The following GRID1 variants were observed in gnomAD, a reference collection of about 807,000 sequenced individuals.
GRID1 encodes glutamate receptor ionotropic, delta-1.
Under a neutral mutation model 98.0 loss-of-function variants are expected in GRID1, and 28 were observed. The observed-to-expected ratio is 0.29, with a 90% CI of 0.21 to 0.39. The LOEUF (loss-of-function observed/expected upper bound fraction) is 0.39, where lower values mean the gene tolerates loss of function less well. Ranked by LOEUF, GRID1 falls within the 10% of genes least tolerant of loss-of-function variation. The pLI is 1.00. For synonymous variants in GRID1, 553 were observed against 538.5 expected, an observed-to-expected ratio of 1.03 and a Z score of -0.37; for missense variants, 1,111 against 1,340.5, an observed-to-expected ratio of 0.83 and a Z score of 2.67.
intron 15 of GRID1, among the ~76,000 whole-genome samples, chr10:85,609,787 G>A (rs910098554): frequency 1.4e-4 from 22 of 152,254 alleles, no homozygotes; most frequent in Middle Eastern, 3.4e-3. Flanking sequence ...TCCTCATGTC[G>A]TCTCCCATTT....
chr10:86,029,552 A>G (rs1459122383), intron 4 of GRID1, among the ~76,000 whole-genome samples: 1 of 152,242 alleles, frequency 6.6e-6, no homozygotes, highest in Non-Finnish European at 1.5e-5. Flanking sequence ...ATGTCCCATC[A>G]TAATTTGTTT....
At chr10:85,862,962 G>C (rs914570429) in intron 6 of GRID1, among the ~76,000 whole-genome samples, 1 of 152,104 alleles carries the variant, frequency 6.6e-6, no homozygotes, top group Non-Finnish European at 1.5e-5. Context: ...CAGAAACACT[G>C]CACATTCCCC....
intron 13 of GRID1, among the ~76,000 whole-genome samples, chr10:85,629,697 T>C (rs1842954309): frequency 6.6e-6 from 1 of 152,216 alleles, no homozygotes; most frequent in Non-Finnish European, 1.5e-5. Context: ...ATAACTACAG[T>C]TATCTTTTTG....
chr10:86,092,356 A>G (rs993928102), intron 4 of GRID1, among the ~76,000 whole-genome samples: 15 of 152,222 alleles, frequency 9.9e-5, no homozygotes, highest in Non-Finnish European at 5.9e-5. Context: ...CAGCAATAGA[A>G]CTGAAAAAGT....
chr10:86,051,033 G>A lies in GRID1; in HGVS notation c.726+87786C>T, dbSNP rs560941521. Among the ~76,000 whole-genome samples the A allele has an allele frequency of 1.9e-4, 29 of 151,502 alleles. No homozygotes were observed. In the East Asian group the frequency reaches 5.4e-3, roughly 28 times the overall value. On this transcript the variant is annotated intron_variant, in intron 4 of 15. Coordinates refer to ENST00000327946, the MANE Select transcript of GRID1 (RefSeq NM_017551.3). ...ACAGAGGTTGCCGTGAGCCAAGATTGCGCCATTGCACTCCAGCCTGGGCAA... is the reference window on the plus strand; with the variant it reads ...ACAGAGGTTGCCGTGAGCCAAGATTACGCCATTGCACTCCAGCCTGGGCAA...
chr10:86,308,965 A>G (rs1012728369), intron 2 of GRID1, among the ~76,000 whole-genome samples: 1 of 152,218 alleles, frequency 6.6e-6, no homozygotes, highest in Non-Finnish European at 1.5e-5. Context: ...AATGGAAATT[A>G]AATTTCAACA....
chr10:85,981,206 A>C (rs537514170), intron 4 of GRID1, among the ~76,000 whole-genome samples: 9 of 152,332 alleles, frequency 5.9e-5, no homozygotes, highest in African/African-American at 1.7e-4. Context: ...AACAGCAATG[A>C]ATATGCCCCT....
At chr10:85,946,386 G>C (rs1842053918) in intron 4 of GRID1, among the ~76,000 whole-genome samples, 1 of 152,194 alleles carries the variant, frequency 6.6e-6, no homozygotes, top group Admixed American at 6.5e-5. Context: ...TTCGACCCAA[G>C]TGTCAACTCG....
intron 8 of GRID1, among the ~76,000 whole-genome samples, chr10:85,820,823 A>G (rs1842763407): frequency 2.0e-5 from 3 of 152,234 alleles, no homozygotes; most frequent in Non-Finnish European, 4.4e-5. Flanking sequence ...AAGGAAATTA[A>G]AAATCAAATA....
chr10:86,073,408 C>T (rs931703992), intron 4 of GRID1, among the ~76,000 whole-genome samples: 2 of 152,200 alleles, frequency 1.3e-5, no homozygotes, highest in African/African-American at 4.8e-5. Context: ...GAGTAGCCAT[C>T]GCACAGAAGC....
intron 12 of GRID1, among the ~76,000 whole-genome samples, chr10:85,718,050 G>A (rs950948595): frequency 1.3e-5 from 2 of 152,194 alleles, no homozygotes; most frequent in Admixed American, 6.5e-5. Context: ...CTCCCTCATG[G>A]CTGCTTTCAT....
intron 5 of GRID1, among the ~76,000 whole-genome samples, chr10:85,883,512 CTCTCTCTCTCTCTCTCTG>C (rs1465576054): frequency 6.8e-6 from 1 of 147,240 alleles, no homozygotes; most frequent in African/African-American, 2.5e-5. Context: ...CTCTCTCTGT[CTCTCTCTCTCTCTCTCTG>C]TCTCTCTCTC....
chr10:86,089,030 C>A (rs1045866878), intron 4 of GRID1, among the ~76,000 whole-genome samples: 1 of 152,152 alleles, frequency 6.6e-6, no homozygotes. Flanking sequence ...AAAGGAAGTG[C>A]GGTTTCACCT....
chr10:86,087,842 T>C (rs1410426881), intron 4 of GRID1, among the ~76,000 whole-genome samples: 1 of 151,952 alleles, frequency 6.6e-6, no homozygotes, highest in Non-Finnish European at 1.5e-5. Flanking sequence ...GCCTAAGTTT[T>C]CATGGCTCTG....
At chr10:86,092,416 T>G (rs1844162695) in intron 4 of GRID1, among the ~76,000 whole-genome samples, 1 of 151,812 alleles carries the variant, frequency 6.6e-6, no homozygotes, top group South Asian at 2.1e-4. Flanking sequence ...ATTAACCCAA[T>G]CCAACAAAGA....
intron 5 of GRID1, among the ~76,000 whole-genome samples, chr10:85,907,341 A>G (rs2131819313): frequency 6.6e-6 from 1 of 152,296 alleles, no homozygotes; most frequent in East Asian, 1.9e-4. Flanking sequence ...GGAAGACCCA[A>G]CCTCAAGTGA....
intron 4 of GRID1, 118 bp downstream of exon 4, chr10:86,138,701 G>T: frequency 1.3e-6 from 1 of 740,974 alleles, no homozygotes. Context: ...GAGCACCTAC[G>T]GGTCTCCATG....
chr10:86,164,861 G>T (rs1845375913), intron 3 of GRID1, among the ~76,000 whole-genome samples: 1 of 152,146 alleles, frequency 6.6e-6, no homozygotes, highest in African/African-American at 2.4e-5. Flanking sequence ...GAAGCTGGGG[G>T]CACATCAGCA....
chr10:85,833,574 T>C (rs754977327), intron 8 of GRID1, among the ~76,000 whole-genome samples: 2 of 143,766 alleles, frequency 1.4e-5, no homozygotes, highest in Non-Finnish European at 3.0e-5. Context: ...CCTAAGACAA[T>C]ATCACAATGT....
Sources: allele counts gnomAD v4.1 joint callset (sites outside exome capture counted in the v4.1 genomes callset), GRCh38; gene constraint gnomAD v4.1.1; transcripts MANE v1.5; gene names NCBI Gene and HGNC (gene_info 2026-07-23, HGNC 2026-07-21).